Variants in SPTSSB observed in about 807,000 individuals in gnomAD.
The protein encoded by SPTSSB is serine palmitoyltransferase small subunit B.
SPTSSB carries 6 observed loss-of-function variants against 7.7 expected under a neutral mutation model. That is an observed-to-expected ratio of 0.78 (90% CI 0.43 to 1.54). The LOEUF (loss-of-function observed/expected upper bound fraction) is 1.54. Ranked by LOEUF, SPTSSB falls within the 40% of genes most tolerant of loss-of-function variation. The pLI is 0.01. For missense variants in SPTSSB, 91 were observed against 93.0 expected (o/e 0.98, Z 0.09); for synonymous variants, 28 against 29.7 (o/e 0.94, Z 0.19).
intron 1 of SPTSSB, among the ~76,000 whole-genome samples, chr3:161,363,911 C>A (rs997372658): frequency 2.0e-5 from 3 of 151,786 alleles, no homozygotes; most frequent in Non-Finnish European, 4.4e-5. Context: ...ACAAAAACTT[C>A]TACCCCTGTG....
At chr3:161,368,042 T>C (rs753346415) in intron 1 of SPTSSB, among the ~76,000 whole-genome samples, 3 of 152,210 alleles carry the variant, frequency 2.0e-5, no homozygotes, top group Admixed American at 6.5e-5. Flanking sequence ...TAATTCTAAG[T>C]GGAGAAAAGT....
chr3:161,351,746 G>C (rs543321607), intron 2 of SPTSSB, among the ~76,000 whole-genome samples: 7 of 151,844 alleles, frequency 4.6e-5, no homozygotes, highest in African/African-American at 1.7e-4. Flanking sequence ...ACCTTATTTT[G>C]TTATTCTCTT....
chr3:161,356,594 A>G (rs1442432100), intron 2 of SPTSSB, among the ~76,000 whole-genome samples: 1 of 152,214 alleles, frequency 6.6e-6, no homozygotes, highest in Non-Finnish European at 1.5e-5. Context: ...TATTGAATAG[A>G]TATGTTTATA....
rs1450522 is a variant in SPTSSB at position 161,359,842 on chromosome 3, A to G, written c.-73T>C. The G allele has an allele frequency of 0.31, 299,620 of 976,620 alleles. 46,844 individuals are homozygous for G. The highest frequency in any genetic ancestry group is 0.55 in the East Asian group (4,784 of 8,752). The allele number at this position is 976,620 out of a possible 1,614,324, so 60.5% of individuals were successfully genotyped here. On this transcript the variant is annotated 5_prime_UTR_variant, in exon 2 of 3. Transcript: ENST00000620149. Reference sequence around the variant, plus strand: ...TCTGGTTCTTCAGCCTTGCTCCTTCACGAAATGATCCTGTGTGGGTTAGTT... The same window carrying G: ...TCTGGTTCTTCAGCCTTGCTCCTTCGCGAAATGATCCTGTGTGGGTTAGTT...
intron 1 of SPTSSB, among the ~76,000 whole-genome samples, chr3:161,360,956 T>C (rs1465581329): frequency 6.6e-6 from 1 of 152,062 alleles, no homozygotes; most frequent in African/African-American, 2.4e-5. Context: ...TCTATAGAAA[T>C]ATGGTGTCAC....
At chr3:161,368,509 C>G (rs1166008088) in intron 1 of SPTSSB, among the ~76,000 whole-genome samples, 1 of 150,852 alleles carries the variant, frequency 6.6e-6, no homozygotes, top group African/African-American at 2.4e-5. Context: ...TCACTGCAAG[C>G]TCCGCCTCCC....
Position 161,364,378 on chromosome 3 carries a change from G to A in SPTSSB, c.-125-4484C>T, listed in dbSNP as rs552866543. Among the ~76,000 whole-genome samples the A allele has an allele frequency of 4.6e-5, 7 of 152,266 alleles. No individual in the cohort carries two copies. The South Asian group carries it at 1.2e-3, about 27-fold the overall frequency. ...AATTAAAACAAAAATGTTTTTGAGC[G>A]AGATTTAAAATTTCCTATGAGGATC... On this transcript the variant is annotated intron_variant, in intron 1 of 2. Transcript: ENST00000620149.
At chr3:161,349,177 A>G (rs767194688) in intron 2 of SPTSSB, among the ~76,000 whole-genome samples, 1 of 152,216 alleles carries the variant, frequency 6.6e-6, no homozygotes. Context: ...CATTACAGGC[A>G]GGAGATGCTC....
At chr3:161,365,051 A>G (rs1715162569) in intron 1 of SPTSSB, among the ~76,000 whole-genome samples, 1 of 152,232 alleles carries the variant, frequency 6.6e-6, no homozygotes, top group African/African-American at 2.4e-5. Context: ...GAGCAGGGAT[A>G]CAATACTTAA....
At chr3:161,347,766 G>A (rs1374242567) in intron 2 of SPTSSB, among the ~76,000 whole-genome samples, 1 of 151,920 alleles carries the variant, frequency 6.6e-6, no homozygotes, top group African/African-American at 2.4e-5. Flanking sequence ...CCAGCCGCTG[G>A]GGAGGCTGAG....
intron 1 of SPTSSB, among the ~76,000 whole-genome samples, chr3:161,368,845 C>T (rs972396575): frequency 3.3e-5 from 5 of 152,220 alleles, no homozygotes; most frequent in Non-Finnish European, 5.9e-5. Flanking sequence ...TTTCACTTAA[C>T]GTAATCTCTT....
intron 1 of SPTSSB, among the ~76,000 whole-genome samples, chr3:161,363,145 G>C (rs1036479420): frequency 6.6e-5 from 10 of 151,508 alleles, no homozygotes; most frequent in Admixed American, 6.6e-4. Context: ...ATTATGTTTA[G>C]CTTAAAAGAT....
At chr3:161,362,006 C>T (rs571524242) in intron 1 of SPTSSB, among the ~76,000 whole-genome samples, 1 of 152,168 alleles carries the variant, frequency 6.6e-6, no homozygotes, top group African/African-American at 2.4e-5. Context: ...CTAGGCCAAC[C>T]TGATTGATTT....
At chr3:161,352,829 A>G (rs1396087693) in intron 2 of SPTSSB, among the ~76,000 whole-genome samples, 1 of 152,138 alleles carries the variant, frequency 6.6e-6, no homozygotes, top group Non-Finnish European at 1.5e-5. Flanking sequence ...TATATAACAA[A>G]TGCTTTTTTA....
intron 2 of SPTSSB, among the ~76,000 whole-genome samples, chr3:161,349,794 G>T (rs1389030999): frequency 6.6e-6 from 1 of 152,202 alleles, no homozygotes; most frequent in Non-Finnish European, 1.5e-5. Flanking sequence ...TTCTGTGTTG[G>T]AAGTCCACTA....
At chr3:161,369,284 TC>T (rs1715361062) in intron 1 of SPTSSB, among the ~76,000 whole-genome samples, 1 of 110,136 alleles carries the variant, frequency 9.1e-6, no homozygotes, top group Admixed American at 9.4e-5. Flanking sequence ...CTTCTTTCTT[TC>T]TTTTCTTTCT....
intron 2 of SPTSSB, among the ~76,000 whole-genome samples, chr3:161,357,467 C>T (rs1008323087): frequency 6.6e-6 from 1 of 152,188 alleles, no homozygotes; most frequent in Non-Finnish European, 1.5e-5. Flanking sequence ...AAATGATTTA[C>T]TCCCTCTGAA....
intron 1 of SPTSSB, among the ~76,000 whole-genome samples, chr3:161,368,457 C>A (rs973473338): frequency 1.3e-5 from 2 of 149,428 alleles, no homozygotes; most frequent in African/African-American, 2.5e-5. Flanking sequence ...GACGGAGTCT[C>A]GCTCTGTCGC....
At chr3:161,361,323 A>G (rs1715006439) in intron 1 of SPTSSB, among the ~76,000 whole-genome samples, 2 of 152,178 alleles carry the variant, frequency 1.3e-5, no homozygotes. Flanking sequence ...TTGTCCAAGC[A>G]GAGGCTAGAC....
Sources: gnomAD v4.1 joint callset for allele counts (sites outside exome capture counted in the v4.1 genomes callset) on GRCh38, gnomAD v4.1.1 for gene constraint, MANE v1.5 for transcripts, NCBI Gene and HGNC (gene_info 2026-07-23, HGNC 2026-07-21) for gene names.